Variants in MARCHF1 observed in about 807,000 individuals in gnomAD.
MARCHF1 encodes membrane associated ring-CH-type finger 1.
In MARCHF1, 40 loss-of-function variants were observed where a neutral mutation model predicts 54.2. That is an observed-to-expected ratio of 0.74 (90% CI 0.57 to 0.96). The LOEUF (loss-of-function observed/expected upper bound fraction) is 0.96. Among genes scored for constraint, MARCHF1 ranks in the 40% least tolerant of loss-of-function variants. The pLI is 0.00. For missense variants in MARCHF1, 586 were observed against 656.5 expected (o/e 0.89, Z 1.17); for synonymous variants, 236 against 236.3 (o/e 1.00, Z 0.01).
rs115762252 is a variant in MARCHF1, at chr4:164,079,086, C to T, written c.-248+32502G>A. 6.0e-3 allele frequency among the ~76,000 whole-genome samples: 919 copies of T among 152,200 alleles called. 9 individuals carry two copies. The highest frequency in any genetic ancestry group is 0.021 in the African/African-American group (876 of 41,544). On this transcript the variant is annotated intron_variant, in intron 2 of 9. Coordinates refer to ENST00000514618, the MANE Select transcript of MARCHF1 (RefSeq NM_001394959.1). ...CTTTTTCTCCATTTATGGCCTTTTGCACTTCTTCCCCTGTATATTGCTTAT... is the reference window on the plus strand; with the variant it reads ...CTTTTTCTCCATTTATGGCCTTTTGTACTTCTTCCCCTGTATATTGCTTAT...
intron 2 of MARCHF1, among the ~76,000 whole-genome samples, chr4:164,035,633 C>CAAAAAAAAAAAAAAAACAA (rs34846855): frequency 6.9e-6 from 1 of 144,214 alleles, no homozygotes; most frequent in Non-Finnish European, 1.5e-5. Context: ...ATAAAGAATA[C>CAAAAAAAAAAAAAAAACAA]AAAAAAAAAA....
At chr4:164,036,020 T>C (rs1305843549) in intron 2 of MARCHF1, among the ~76,000 whole-genome samples, 2 of 148,960 alleles carry the variant, frequency 1.3e-5, no homozygotes, top group Non-Finnish European at 3.0e-5. Context: ...GGATAATTGA[T>C]TGAATGTGAG....
chr4:163,770,077 T>C (rs566149489), intron 4 of MARCHF1, among the ~76,000 whole-genome samples: 1 of 23,934 alleles, frequency 4.2e-5, no homozygotes, highest in Admixed American at 6.9e-4. Context: ...ATATTTGCTT[T>C]TCTCTAGCTT....
At chr4:163,800,669 G>A (rs910956299) in intron 4 of MARCHF1, among the ~76,000 whole-genome samples, 6 of 152,124 alleles carry the variant, frequency 3.9e-5, no homozygotes, top group African/African-American at 1.4e-4. Context: ...AAACAACAAA[G>A]TATCATCTGG....
chr4:164,328,747 C>T (rs1199254054), intron 1 of MARCHF1, among the ~76,000 whole-genome samples: 1 of 152,154 alleles, frequency 6.6e-6, no homozygotes, highest in African/African-American at 2.4e-5. Flanking sequence ...CCAGGCTGGT[C>T]TTGAACTCCT....
At chr4:163,648,915 T>G (rs1361774652) in intron 5 of MARCHF1, among the ~76,000 whole-genome samples, 1 of 128,108 alleles carries the variant, frequency 7.8e-6, no homozygotes, top group Non-Finnish European at 1.5e-5. Flanking sequence ...GACACAATCT[T>G]TGGGGGAAAA....
chr4:164,083,857 C>CA (rs982734655), intron 2 of MARCHF1, among the ~76,000 whole-genome samples: 11 of 152,040 alleles, frequency 7.2e-5, no homozygotes, highest in African/African-American at 2.2e-4. Context: ...GGCATGAAAA[C>CA]AGAGGTAAAA....
In MARCHF1 at chr4:163,527,077, A is replaced by G. The variant is rs1314197843; in HGVS notation, c.*1671T>C. 6.6e-6 allele frequency: 1 copy of G among 151,974 alleles called. No individual in the cohort carries two copies. The highest frequency in any genetic ancestry group is 2.4e-5 in the African/African-American group (1 of 41,402). The allele number at this position is 151,974 out of a possible 1,614,324, so 9.4% of individuals were successfully genotyped here. On this transcript the variant is annotated 3_prime_UTR_variant, in exon 10 of 10. Coordinates refer to ENST00000514618, the MANE Select transcript of MARCHF1 (RefSeq NM_001394959.1). ...TACTCATGCTTTGGTTCTTATGGCC[A>G]TCATTGCCTTTTCATGTTAATAAAT... is the stretch of plus-strand genomic sequence containing the variant.
intron 3 of MARCHF1, among the ~76,000 whole-genome samples, chr4:163,974,279 T>C (rs1181500520): frequency 6.6e-6 from 1 of 152,184 alleles, no homozygotes; most frequent in Non-Finnish European, 1.5e-5. Context: ...TGATACAGGT[T>C]AGCCTTGATT....
At chr4:163,770,150 T>C (rs528536880) in intron 4 of MARCHF1, among the ~76,000 whole-genome samples, 1 of 152,270 alleles carries the variant, frequency 6.6e-6, no homozygotes, top group African/African-American at 2.4e-5. Flanking sequence ...GACTATGTTG[T>C]CAGTAAGGGT....
intron 3 of MARCHF1, among the ~76,000 whole-genome samples, chr4:163,954,825 A>G (rs188653157): frequency 3.9e-4 from 60 of 152,314 alleles, no homozygotes; most frequent in African/African-American, 1.4e-3. Context: ...CCAAGTAGCC[A>G]TGCTTTAAGA....
intron 1 of MARCHF1, among the ~76,000 whole-genome samples, chr4:164,135,099 C>T (rs896853271): frequency 1.3e-5 from 2 of 152,220 alleles, no homozygotes. Flanking sequence ...CTTGTGTCTT[C>T]TTTCTTACTT....
At chr4:163,874,815 G>T (rs1050417387) in intron 3 of MARCHF1, among the ~76,000 whole-genome samples, 1 of 152,100 alleles carries the variant, frequency 6.6e-6, no homozygotes, top group African/African-American at 2.4e-5. Context: ...ACAAATAGAA[G>T]CACTGAGTTG....
At chr4:164,147,972 A>T (rs1361781339) in intron 1 of MARCHF1, among the ~76,000 whole-genome samples, 1 of 152,146 alleles carries the variant, frequency 6.6e-6, no homozygotes, top group African/African-American at 2.4e-5. Context: ...AGAATATTCA[A>T]ATTTGCTGAA....
At chr4:163,853,692 C>A (rs1749697419) in intron 4 of MARCHF1, among the ~76,000 whole-genome samples, 1 of 152,006 alleles carries the variant, frequency 6.6e-6, no homozygotes, top group Non-Finnish European at 1.5e-5. Context: ...TACTTTTCTT[C>A]CAAAGGTTTC....
At chr4:164,248,778 T>G (rs1156295401) in intron 1 of MARCHF1, among the ~76,000 whole-genome samples, 1 of 151,998 alleles carries the variant, frequency 6.6e-6, no homozygotes, top group Non-Finnish European at 1.5e-5. Context: ...TCATCCTTAA[T>G]TATTTCTCAG....
chr4:163,864,071 C>A (rs182454614), intron 3 of MARCHF1, among the ~76,000 whole-genome samples: 2 of 151,958 alleles, frequency 1.3e-5, no homozygotes, highest in Non-Finnish European at 2.9e-5. Context: ...GTCTCTTGTG[C>A]AGAACTGTCA....
At chr4:163,772,983 T>C (rs2110875196) in intron 4 of MARCHF1, among the ~76,000 whole-genome samples, 1 of 152,312 alleles carries the variant, frequency 6.6e-6, no homozygotes, top group South Asian at 2.1e-4. Context: ...GAGGATTTTA[T>C]TTGTCAAGTG....
intron 4 of MARCHF1, among the ~76,000 whole-genome samples, chr4:163,723,152 C>G (rs111509458): frequency 3.2e-4 from 48 of 152,306 alleles, no homozygotes; most frequent in African/African-American, 1.1e-3. Context: ...TGGTTTTGCA[C>G]TGGCTGGTAC....
Sources: allele counts gnomAD v4.1 joint callset (sites outside exome capture counted in the v4.1 genomes callset), GRCh38; gene constraint gnomAD v4.1.1; transcripts MANE v1.5; gene names NCBI Gene and HGNC (gene_info 2026-07-23, HGNC 2026-07-21).